TIAM1: variants seen among roughly 807,000 people sequenced by gnomAD.
The protein encoded by TIAM1 is rho guanine nucleotide exchange factor TIAM1.
Under a neutral mutation model 163.5 loss-of-function variants are expected in TIAM1, and 65 were observed. That is an observed-to-expected ratio of 0.40 (90% CI 0.33 to 0.49). TIAM1 has a LOEUF of 0.49. Among genes scored for constraint, TIAM1 ranks in the 20% least tolerant of loss-of-function variants. The pLI, the probability that TIAM1 is intolerant of heterozygous loss-of-function variation, is 0.77. For synonymous variants in TIAM1, 833 were observed against 810.1 expected, an observed-to-expected ratio of 1.03 and a Z score of -0.48; for missense variants, 1,789 against 2,044.7, an observed-to-expected ratio of 0.87 and a Z score of 2.41.
At chr21:31,217,843 A>T in intron 8 of TIAM1, 144 bp from the exon 9 acceptor site, 1 of 906,244 alleles carries the variant, frequency 1.1e-6, no homozygotes, top group East Asian at 2.7e-5. Flanking sequence ...AAAGTATTCA[A>T]TCCATGACCC....
intron 1 of TIAM1, among the ~76,000 whole-genome samples, chr21:31,536,155 A>G (rs1306737820): frequency 6.6e-6 from 1 of 152,212 alleles, no homozygotes; most frequent in East Asian, 1.9e-4. Flanking sequence ...CAAAGCATCT[A>G]CAGGAATCGG....
chr21:31,282,853 T>C (rs2073629908), intron 2 of TIAM1, among the ~76,000 whole-genome samples: 1 of 152,232 alleles, frequency 6.6e-6, no homozygotes, highest in African/African-American at 2.4e-5. Context: ...GAACTTTCCA[T>C]ATCCACAGAC....
chr21:31,385,069 T>TTG (rs1293466307), intron 2 of TIAM1, among the ~76,000 whole-genome samples: 1 of 152,158 alleles, frequency 6.6e-6, no homozygotes, highest in Non-Finnish European at 1.5e-5. Flanking sequence ...CTGTCTTTTT[T>TTG]TGTGTGTGTG....
intron 16 of TIAM1, among the ~76,000 whole-genome samples, chr21:31,164,119 A>G (rs910535409): frequency 3.3e-5 from 5 of 152,182 alleles, no homozygotes; most frequent in Non-Finnish European, 5.9e-5. Context: ...GGCCGGGTGC[A>G]GTGGCTCACG....
At position 31,130,312 on chromosome 21, in the gene TIAM1, C is replaced by T. The variant is rs1395864972; in HGVS notation, c.3946G>A (p.Gly1316Arg). ...DGSKQKKKLV[G>R]SHRLSIYEDW... is the part of the protein sequence containing the mutation. ...TCATAAATGGAAAGCCTGTGAGATC[C>T]TACCTGCAGAGGAGAAGGAACCAGC... is the stretch of plus-strand genomic sequence containing the variant. The change falls in exon 25 of 28, where the codon GGA becomes AGA. Residue 1316 changes from glycine to arginine, a missense_variant. This residue lies in a region of TIAM1 where 415 missense variants were observed against 439.2 expected (regional missense o/e 0.94). Transcript: ENST00000541036. The T allele has an allele frequency of 1.9e-6, 3 of 1,613,482 alleles. No individual in the cohort carries two copies. The highest frequency in any genetic ancestry group is 2.5e-6 in the Non-Finnish European group (3 of 1,179,564).
intron 1 of TIAM1, among the ~76,000 whole-genome samples, chr21:31,554,031 C>A (rs1183899552): frequency 6.6e-6 from 1 of 152,094 alleles, no homozygotes; most frequent in South Asian, 2.1e-4. Flanking sequence ...CCTATGTTTA[C>A]AAGGTTAGCA....
intron 2 of TIAM1, among the ~76,000 whole-genome samples, chr21:31,278,299 C>T (rs189088273): frequency 5.9e-5 from 9 of 152,296 alleles, no homozygotes; most frequent in African/African-American, 2.2e-4. Flanking sequence ...GGTAAAAGAT[C>T]CAAACTGCAA....
chr21:31,276,566 G>A (rs747621099), intron 3 of TIAM1, among the ~76,000 whole-genome samples, 166 bp downstream of exon 3: 6 of 152,112 alleles, frequency 3.9e-5, no homozygotes, highest in Non-Finnish European at 5.9e-5. Context: ...TAATGCTTTC[G>A]AATTGTCAGA....
intron 2 of TIAM1, among the ~76,000 whole-genome samples, chr21:31,333,487 G>T (rs545186111): frequency 6.4e-4 from 97 of 152,214 alleles, no homozygotes; most frequent in African/African-American, 2.3e-3. Context: ...TCCCAGGCCG[G>T]AGTGCAGTGG....
intron 2 of TIAM1, among the ~76,000 whole-genome samples, chr21:31,442,070 A>ATAT (rs2044441960): frequency 2.4e-4 from 13 of 53,204 alleles, no homozygotes; most frequent in South Asian, 9.9e-4. Flanking sequence ...CAAATAAATA[A>ATAT]ATATATATAT....
At chr21:31,330,737 G>A (rs1235277428) in intron 2 of TIAM1, among the ~76,000 whole-genome samples, 2 of 152,164 alleles carry the variant, frequency 1.3e-5, no homozygotes, top group African/African-American at 4.8e-5. Flanking sequence ...TTGGTGTGGG[G>A]AGACACACCG....
Position 31,309,802 on chromosome 21 carries a change from G to A in TIAM1, c.-189+29441C>T, listed in dbSNP as rs79897903. On this transcript the variant is annotated intron_variant, in intron 2 of 27. Transcript: ENST00000541036. ...TGATTTCAACTAAAATCCATCATGC[G>A]TGACCAGACATTCATTCTGGCTCTC... is the stretch of plus-strand genomic sequence containing the variant. Among the ~76,000 whole-genome samples, 1,148 of 152,290 alleles carry A rather than the reference G, an allele frequency of 7.5e-3. 10 individuals carry two copies. The highest frequency in any genetic ancestry group is 0.025 in the African/African-American group (1,036 of 41,552).
At chr21:31,356,878 C>T (rs73193774) in intron 2 of TIAM1, among the ~76,000 whole-genome samples, 7,645 of 152,250 alleles carry the variant, frequency 0.05, 192 homozygotes, top group Non-Finnish European at 0.061. Context: ...CACTTTGGGA[C>T]ACTGAGACAG....
intron 5 of TIAM1, 93 bp downstream of exon 5, chr21:31,251,649 A>G: frequency 8.3e-6 from 11 of 1,323,678 alleles, no homozygotes; most frequent in Non-Finnish European, 1.1e-5. Context: ...TATAACAACA[A>G]CAACAACAAA....
chr21:31,217,506 C>G, intron 9 of TIAM1, 47 bp downstream of exon 9: 1 of 1,590,190 alleles, frequency 6.3e-7, no homozygotes, highest in African/African-American at 1.3e-5. Flanking sequence ...GAGGTGGCCA[C>G]AGAAGTGATT....
At chr21:31,460,370 T>TA (rs1477096185) in intron 2 of TIAM1, among the ~76,000 whole-genome samples, 2 of 152,190 alleles carry the variant, frequency 1.3e-5, no homozygotes, top group Admixed American at 1.3e-4. Flanking sequence ...CTCACACCTG[T>TA]AATCCCAGCA....
chr21:31,339,798 A>G (rs2075961798), intron 1 of TIAM1, among the ~76,000 whole-genome samples: 2 of 152,298 alleles, frequency 1.3e-5, no homozygotes, highest in South Asian at 2.1e-4. Flanking sequence ...AAACTTTCCA[A>G]AAGTGATGAT....
At chr21:31,431,560 C>A (rs1417342117) in intron 2 of TIAM1, among the ~76,000 whole-genome samples, 6 of 152,184 alleles carry the variant, frequency 3.9e-5, no homozygotes, top group Non-Finnish European at 7.3e-5. Context: ...CAAGATTGGT[C>A]AGAAATCATT....
At chr21:31,360,681 C>T (rs565088706) in intron 2 of TIAM1, among the ~76,000 whole-genome samples, 1 of 152,246 alleles carries the variant, frequency 6.6e-6, no homozygotes, top group South Asian at 2.1e-4. Flanking sequence ...TTAAAACACA[C>T]ACATGCACAC....
Sources: gnomAD v4.1 joint callset for allele counts (sites outside exome capture counted in the v4.1 genomes callset) on GRCh38, gnomAD v4.1.1 for gene constraint, gnomAD v4.1.1 regional missense constraint, MANE v1.5 for transcripts, NCBI Gene and HGNC (gene_info 2026-07-23, HGNC 2026-07-21) for gene names.